The following RELN variants were observed in gnomAD, a reference collection of about 807,000 sequenced individuals.
The protein encoded by RELN is reelin.
In RELN, 108 loss-of-function variants were observed where a neutral mutation model predicts 427.6. The observed-to-expected ratio is 0.25, with a 90% CI of 0.22 to 0.30. RELN has a LOEUF of 0.30. RELN is among the 10% of genes least tolerant of loss of function. The pLI is 1.00. For missense variants in RELN, 3,715 were observed against 4,302.8 expected (o/e 0.86, Z 3.82); for synonymous variants, 1,524 against 1,513.4 (o/e 1.01, Z -0.16).
intron 3 of RELN, among the ~76,000 whole-genome samples, chr7:103,831,385 A>C (rs1793270238): frequency 6.6e-6 from 1 of 152,142 alleles, no homozygotes; most frequent in Admixed American, 6.6e-5. Flanking sequence ...ACACTGTAGC[A>C]ACTAATGGAG....
rs929618830 is a variant in RELN at position 103,968,033 on chromosome 7, T to C, written c.226+21098A>G. On this transcript the variant is annotated intron_variant, in intron 1 of 64. Transcript: ENST00000428762. This position sits in a 1 kb window ranked among gnomAD's most constrained non-coding sequence, Gnocchi z 4.3. ...ATATATAAATATAAAATATATTTTG[T>C]ATATATATTTATATATATGAATATA... Among the ~76,000 whole-genome samples the C allele has an allele frequency of 2.0e-5, 3 of 148,490 alleles. No individual in the cohort carries two copies. Among genetic ancestry groups the C allele is most frequent in the Non-Finnish European group, 3.0e-5 (2 of 67,206 alleles).
intron 64 of RELN, among the ~76,000 whole-genome samples, chr7:103,473,471 G>T (rs1209669258): frequency 6.6e-6 from 1 of 152,118 alleles, no homozygotes; most frequent in Admixed American, 6.6e-5. Context: ...GGATTCTCTT[G>T]TCTTCCTCAA....
At position 103,703,174 on chromosome 7, in the gene RELN, C is replaced by T. The variant is rs372747123; in HGVS notation, c.806-2168G>A. The stretch of plus-strand genomic sequence containing the variant: ...AGGTACCAGCTGGAAGGAGCACCCC[C>T]CAAGAGAGCGCTCAGCTTTGGAAAT... On this transcript the variant is annotated intron_variant, in intron 8 of 64. Transcript: ENST00000428762. 1.7e-3 allele frequency among the ~76,000 whole-genome samples: 257 copies of T among 152,210 alleles called. 1 individual carries two copies. Among genetic ancestry groups the T allele is most frequent in the South Asian group, 6.6e-3 (32 of 4,814 alleles).
chr7:103,977,921 GT>G (rs1334696216), intron 1 of RELN, among the ~76,000 whole-genome samples: 6 of 152,072 alleles, frequency 3.9e-5, no homozygotes, highest in African/African-American at 1.4e-4. Flanking sequence ...AAAAATAAAG[GT>G]TTAGAGACGA....
At chr7:103,760,375 G>A (rs535484215) in intron 4 of RELN, among the ~76,000 whole-genome samples, 10 of 152,098 alleles carry the variant, frequency 6.6e-5, no homozygotes, top group Admixed American at 2.6e-4. Flanking sequence ...GAATGAGGTC[G>A]TGTTTAATTC....
chr7:103,730,464 A>G (rs1416866490), intron 6 of RELN, among the ~76,000 whole-genome samples: 1 of 151,994 alleles, frequency 6.6e-6, no homozygotes, highest in Non-Finnish European at 1.5e-5. Context: ...AATCACTTCT[A>G]TGTGGCAGAA....
chr7:103,639,402 C>CTT (rs200310506), intron 17 of RELN, among the ~76,000 whole-genome samples: 7 of 141,238 alleles, frequency 5.0e-5, no homozygotes, highest in South Asian at 4.5e-4. Flanking sequence ...CTTTTTCTCT[C>CTT]TTTTTTTTTT....
At chr7:103,656,741 T>C (rs561230977) in intron 12 of RELN, among the ~76,000 whole-genome samples, 2 of 152,210 alleles carry the variant, frequency 1.3e-5, no homozygotes, top group South Asian at 4.1e-4. Flanking sequence ...AGGGTTTCTT[T>C]TGGAGCCAGA....
At chr7:103,557,182 A>G (rs371567155) in intron 37 of RELN, 23 bp from the exon 38 acceptor site, 2 of 1,572,998 alleles carry the variant, frequency 1.3e-6, no homozygotes, top group Admixed American at 1.7e-5. Context: ...TAACACAGGT[A>G]TAAAACATAC....
At chr7:103,709,070 C>T (rs1789722796) in intron 8 of RELN, among the ~76,000 whole-genome samples, 1 of 152,074 alleles carries the variant, frequency 6.6e-6, no homozygotes, top group South Asian at 2.1e-4. Context: ...GCAATAAAGC[C>T]CTTCCGAGAC....
chr7:103,816,585 GGATT>G (rs544155927), intron 3 of RELN, among the ~76,000 whole-genome samples: 17 of 129,206 alleles, frequency 1.3e-4, no homozygotes, highest in Non-Finnish European at 2.8e-4. Context: ...CCTTCCTTCA[GGATT>G]GATAAAACAT....
chr7:103,873,103 C>A (rs904590330), intron 2 of RELN, among the ~76,000 whole-genome samples: 10 of 151,648 alleles, frequency 6.6e-5, no homozygotes, highest in Non-Finnish European at 1.0e-4. Context: ...TCCTGAATGA[C>A]TACTGGGTAC....
chr7:103,839,186 T>C (rs983333507), intron 2 of RELN, among the ~76,000 whole-genome samples: 3 of 152,146 alleles, frequency 2.0e-5, no homozygotes, highest in South Asian at 2.1e-4. Context: ...ATAATGTCTC[T>C]GGTAGTAACA....
At chr7:103,497,224 C>T (rs1828869246) in intron 55 of RELN, among the ~76,000 whole-genome samples, 1 of 152,076 alleles carries the variant, frequency 6.6e-6, no homozygotes, top group South Asian at 2.1e-4. Flanking sequence ...AAGAAAACAT[C>T]CTTCAAATAC....
At chr7:103,927,801 C>T (rs1795778992) in intron 1 of RELN, among the ~76,000 whole-genome samples, 1 of 152,086 alleles carries the variant, frequency 6.6e-6, no homozygotes, top group Non-Finnish European at 1.5e-5. Flanking sequence ...TGAAGAAAAA[C>T]TCCAGGCGTG....
chr7:103,843,434 G>C lies in RELN; in HGVS notation c.338-9762C>G, dbSNP rs564203746. ...ACTAGTGAGTGGCATCTGAACACAG[G>C]TTCCACTACATTGTCTGCTGGCTTC... On this transcript the variant is annotated intron_variant, in intron 2 of 64. Transcript: ENST00000428762. Among the ~76,000 whole-genome samples, 21 of 152,256 alleles carry C rather than the reference G, an allele frequency of 1.4e-4. No individual in the cohort carries two copies. The East Asian group carries it at 4.1e-3, about 29-fold the overall frequency.
chr7:103,648,663 T>C (rs1476380884), intron 16 of RELN, among the ~76,000 whole-genome samples: 2 of 152,024 alleles, frequency 1.3e-5, no homozygotes, highest in African/African-American at 4.8e-5. Flanking sequence ...ACCTACAGAT[T>C]GGGAGAAAAT....
At chr7:103,600,829 TA>T (rs1265266105) in intron 24 of RELN, among the ~76,000 whole-genome samples, 2 of 152,216 alleles carry the variant, frequency 1.3e-5, no homozygotes, top group African/African-American at 4.8e-5. Flanking sequence ...AAATATTCAA[TA>T]AGACAAATTT....
intron 28 of RELN, among the ~76,000 whole-genome samples, chr7:103,584,446 C>T (rs1831224202): frequency 6.6e-6 from 1 of 151,912 alleles, no homozygotes; most frequent in African/African-American, 2.4e-5. Context: ...TGTAATTCAA[C>T]AAAAGTTTAA....
Sources: allele counts gnomAD v4.1 joint callset (sites outside exome capture counted in the v4.1 genomes callset), GRCh38; gene constraint gnomAD v4.1.1; non-coding constraint Gnocchi (gnomAD v3.1); transcripts MANE v1.5; gene names NCBI Gene and HGNC (gene_info 2026-07-23, HGNC 2026-07-21).